The following BICD1 variants were observed in gnomAD, a reference collection of about 807,000 sequenced individuals.
BICD1 encodes the protein protein bicaudal D homolog 1.
In BICD1, 35 loss-of-function variants were observed where a neutral mutation model predicts 92.5. The observed-to-expected ratio is 0.38, with a 90% CI of 0.29 to 0.50. BICD1 has a LOEUF of 0.50. Ranked by LOEUF, BICD1 falls within the 20% of genes least tolerant of loss-of-function variation. BICD1 has a pLI of 0.93. For synonymous variants in BICD1, 429 were observed against 465.1 expected (o/e 0.92, Z 1.00); for missense variants, 950 against 1,189.8 (o/e 0.80, Z 2.97).
At chr12:32,244,900 T>C (rs1057110317) in intron 2 of BICD1, among the ~76,000 whole-genome samples, 2 of 152,208 alleles carry the variant, frequency 1.3e-5, no homozygotes, top group African/African-American at 2.4e-5. Flanking sequence ...GTGCTGGGAT[T>C]ACAGGTGTGA....
intron 2 of BICD1, among the ~76,000 whole-genome samples, chr12:32,250,145 G>A (rs151247975): frequency 2.2e-3 from 339 of 152,166 alleles, no homozygotes; most frequent in African/African-American, 7.8e-3. Flanking sequence ...CTGTTTAGAC[G>A]TTGAGTTAAA....
At chr12:32,213,401 TG>T (rs990317062) in intron 1 of BICD1, among the ~76,000 whole-genome samples, 19 of 152,180 alleles carry the variant, frequency 1.2e-4, no homozygotes, top group African/African-American at 4.6e-4. Flanking sequence ...TTGTTGTTTT[TG>T]TTTTTGTTTT....
chr12:32,144,784 A>T (rs1943054172), intron 1 of BICD1, among the ~76,000 whole-genome samples: 1 of 152,240 alleles, frequency 6.6e-6, no homozygotes, highest in Non-Finnish European at 1.5e-5. Flanking sequence ...AATCCAAACT[A>T]CTCAGAATCA....
chr12:32,299,725 T>A (rs1382103132), intron 3 of BICD1, among the ~76,000 whole-genome samples: 1 of 152,044 alleles, frequency 6.6e-6, no homozygotes, highest in Non-Finnish European at 1.5e-5. Flanking sequence ...GGCGAGAGGA[T>A]GACTTGAGTC....
chr12:32,142,496 A>ATCTATCTATCTATCTATCTTATTGG (rs1555134359), intron 1 of BICD1, among the ~76,000 whole-genome samples: 1 of 73,294 alleles, frequency 1.4e-5, no homozygotes, highest in African/African-American at 5.1e-5. Flanking sequence ...CTATTGGTCT[A>ATCTATCTATCTATCTATCTTATTGG]TCTATCTAGA....
At chr12:32,181,404 A>G (rs1358166069) in intron 1 of BICD1, among the ~76,000 whole-genome samples, 1 of 151,220 alleles carries the variant, frequency 6.6e-6, no homozygotes, top group Non-Finnish European at 1.5e-5. Context: ...TGGGCAACAG[A>G]GCGAGACTCT....
At chr12:32,317,824 C>T (rs1004996152) in intron 4 of BICD1, among the ~76,000 whole-genome samples, 34 of 152,060 alleles carry the variant, frequency 2.2e-4, no homozygotes, top group Admixed American at 5.2e-4. Context: ...AGGTTTTCTT[C>T]TAGGGTTTTT....
intron 2 of BICD1, among the ~76,000 whole-genome samples, chr12:32,258,468 G>A (rs979622721): frequency 2.6e-5 from 4 of 152,082 alleles, no homozygotes; most frequent in Non-Finnish European, 1.5e-5. Flanking sequence ...GTGTGGAAAC[G>A]AGAGATCTAA....
intron 1 of BICD1, among the ~76,000 whole-genome samples, chr12:32,192,052 T>C (rs148348567): frequency 2.6e-4 from 40 of 152,314 alleles, no homozygotes; most frequent in African/African-American, 9.1e-4. Context: ...AAAGCCCAGA[T>C]AGGCCTATTG....
chr12:32,373,478 T>C (rs1273909982), intron 9 of BICD1, among the ~76,000 whole-genome samples: 2 of 152,164 alleles, frequency 1.3e-5, no homozygotes, highest in Admixed American at 1.3e-4. Flanking sequence ...TCACGAATGA[T>C]GTAATGTCAA....
intron 2 of BICD1, among the ~76,000 whole-genome samples, chr12:32,244,926 C>T (rs1040824812): frequency 1.4e-4 from 21 of 151,822 alleles, no homozygotes; most frequent in African/African-American, 3.4e-4. Context: ...CATGCCCGGC[C>T]GACATAGGCT....
At chr12:32,126,852 T>C (rs1798608) in intron 1 of BICD1, among the ~76,000 whole-genome samples, 43,998 of 152,062 alleles carry the variant, frequency 0.29, 6,606 homozygotes, top group Admixed American at 0.43. Context: ...TCCACATCCT[T>C]GTCATCACTT....
chr12:32,150,234 C>T (rs1384125761), intron 1 of BICD1, among the ~76,000 whole-genome samples: 1 of 152,220 alleles, frequency 6.6e-6, no homozygotes, highest in Non-Finnish European at 1.5e-5. Flanking sequence ...CACAGCCAAA[C>T]TGTATCAACT....
At chr12:32,169,832 C>T (rs1592409437) in intron 1 of BICD1, among the ~76,000 whole-genome samples, 1 of 152,262 alleles carries the variant, frequency 6.6e-6, no homozygotes, top group South Asian at 2.1e-4. Context: ...TCAAGTGATC[C>T]TCCTGACTTG....
chr12:32,342,494 C>T (rs1046641851), intron 8 of BICD1, among the ~76,000 whole-genome samples: 5 of 151,658 alleles, frequency 3.3e-5, no homozygotes, highest in African/African-American at 7.3e-5. Flanking sequence ...GATCATGATC[C>T]GCCATCTCGG....
rs1938171766 is a variant in BICD1, at chr12:32,337,294, T to A, written c.2253-205T>A. 1.3e-5 allele frequency among the ~76,000 whole-genome samples: 2 copies of A among 152,186 alleles called. No individual in the cohort carries two copies. The highest frequency in any genetic ancestry group is 2.9e-5 in the Non-Finnish European group (2 of 68,036). On this transcript the variant is annotated intron_variant, in intron 6 of 9. Coordinates refer to ENST00000652176, the MANE Select transcript of BICD1 (RefSeq NM_001714.4). The surrounding 1 kb of genome is among the most constrained non-coding windows in gnomAD (Gnocchi z 4.7). ...CAACAACAAAATAATAATAAATTTTTTAAAAATGTCCCATATATCTCATTG... is the reference window on the plus strand; with the variant it reads ...CAACAACAAAATAATAATAAATTTTATAAAAATGTCCCATATATCTCATTG...
intron 2 of BICD1, among the ~76,000 whole-genome samples, chr12:32,293,334 T>A (rs1398705061): frequency 6.6e-6 from 1 of 152,168 alleles, no homozygotes; most frequent in Non-Finnish European, 1.5e-5. Context: ...TTTTCTGTTT[T>A]TGAGATAGAG....
At chr12:32,372,891 A>G (rs1250174873) in intron 9 of BICD1, among the ~76,000 whole-genome samples, 1 of 152,206 alleles carries the variant, frequency 6.6e-6, no homozygotes, top group South Asian at 2.1e-4. Flanking sequence ...AACAGAAAAA[A>G]AGTAGAACTT....
At chr12:32,300,132 C>T (rs1275684858) in intron 3 of BICD1, among the ~76,000 whole-genome samples, 3 of 151,662 alleles carry the variant, frequency 2.0e-5, no homozygotes, top group Middle Eastern at 3.4e-3. Flanking sequence ...GACAGAGGCT[C>T]GCTCTGTCGC....
Sources: allele counts gnomAD v4.1 joint callset (sites outside exome capture counted in the v4.1 genomes callset), GRCh38; gene constraint gnomAD v4.1.1; non-coding constraint Gnocchi (gnomAD v3.1); transcripts MANE v1.5; gene names NCBI Gene and HGNC (gene_info 2026-07-23, HGNC 2026-07-21).